The following GSK3B variants were observed in gnomAD, a reference collection of about 807,000 sequenced individuals.
GSK3B encodes the protein glycogen synthase kinase 3 beta.
GSK3B carries 15 observed loss-of-function variants against 56.4 expected under a neutral mutation model. The observed-to-expected ratio is 0.27, with a 90% CI of 0.18 to 0.41. GSK3B has a LOEUF of 0.41. Among genes scored for constraint, GSK3B ranks in the 10% least tolerant of loss-of-function variants. The probability of loss-of-function intolerance (pLI) is 1.00; values close to 1 mark genes in which losing one functional copy is unlikely to be tolerated. For missense variants in GSK3B, 300 were observed against 513.4 expected (o/e 0.58, Z 4.02); for synonymous variants, 181 against 188.9 (o/e 0.96, Z 0.34).
chr3:119,928,797 G>A (rs2056914850), intron 3 of GSK3B, among the ~76,000 whole-genome samples: 1 of 151,946 alleles, frequency 6.6e-6, no homozygotes, highest in South Asian at 2.1e-4. Flanking sequence ...ATGTAACTAT[G>A]AGCAAGTTAT....
chr3:120,009,606 C>G (rs758183561), intron 1 of GSK3B, among the ~76,000 whole-genome samples: 1 of 152,074 alleles, frequency 6.6e-6, no homozygotes, highest in Middle Eastern at 3.4e-3. Flanking sequence ...AACCAAACAC[C>G]GCATGTTCTC....
At chr3:119,874,205 T>C (rs2056280652) in intron 8 of GSK3B, among the ~76,000 whole-genome samples, 1 of 152,062 alleles carries the variant, frequency 6.6e-6, no homozygotes, top group Non-Finnish European at 1.5e-5. Context: ...ACACACTAAA[T>C]ACAGTGTCCC....
At chr3:120,008,461 CTA>C (rs2057748903) in intron 1 of GSK3B, among the ~76,000 whole-genome samples, 2 of 152,182 alleles carry the variant, frequency 1.3e-5, no homozygotes, top group Admixed American at 1.3e-4. Flanking sequence ...TCAAACTTTA[CTA>C]CAAGGCTACA....
intron 3 of GSK3B, among the ~76,000 whole-genome samples, chr3:119,926,328 C>CCACACACACA (rs146771538): frequency 9.5e-5 from 14 of 146,906 alleles, no homozygotes; most frequent in African/African-American, 3.0e-4. Context: ...TCTTACACTT[C>CCACACACACA]CACACACACA....
intron 2 of GSK3B, among the ~76,000 whole-genome samples, chr3:119,977,919 A>G (rs1012920947): frequency 4.6e-5 from 7 of 152,214 alleles, no homozygotes; most frequent in African/African-American, 1.7e-4. Context: ...ACTGAAGAAG[A>G]GAAAAAAGGC....
chr3:120,090,619 C>T (rs2058503717), intron 1 of GSK3B, among the ~76,000 whole-genome samples: 1 of 152,164 alleles, frequency 6.6e-6, no homozygotes. Context: ...CACACTGTCT[C>T]TCAAACCTGT....
At chr3:119,902,377 A>G (rs1404077058) in intron 7 of GSK3B, among the ~76,000 whole-genome samples, 1 of 151,984 alleles carries the variant, frequency 6.6e-6, no homozygotes, top group Non-Finnish European at 1.5e-5. Context: ...GGAAGGAAGG[A>G]GAAAGAAAAA....
At chr3:119,881,973 T>C (rs192660428) in intron 7 of GSK3B, among the ~76,000 whole-genome samples, 28 of 152,326 alleles carry the variant, frequency 1.8e-4, no homozygotes, top group Non-Finnish European at 2.4e-4. Flanking sequence ...CCTCCTTGCC[T>C]TCTGCCATGA....
intron 7 of GSK3B, among the ~76,000 whole-genome samples, chr3:119,880,752 A>C (rs564929508): frequency 6.6e-6 from 1 of 152,292 alleles, no homozygotes; most frequent in East Asian, 1.9e-4. Context: ...CCCTATTTCT[A>C]ACATTGTTCT....
At chr3:120,063,151 C>CATG (rs1392352161) in intron 1 of GSK3B, among the ~76,000 whole-genome samples, 1 of 152,158 alleles carries the variant, frequency 6.6e-6, no homozygotes, top group Non-Finnish European at 1.5e-5. Flanking sequence ...TGTATAAATG[C>CATG]TGCACATGCC....
chr3:120,032,888 T>C (rs2057989520), intron 1 of GSK3B, among the ~76,000 whole-genome samples: 1 of 152,228 alleles, frequency 6.6e-6, no homozygotes, highest in South Asian at 2.1e-4. Flanking sequence ...ACATAACAAA[T>C]AATTCACCCA....
chr3:119,982,347 C>G (rs2057471377), intron 2 of GSK3B, among the ~76,000 whole-genome samples: 1 of 152,126 alleles, frequency 6.6e-6, no homozygotes, highest in Admixed American at 6.5e-5. Context: ...AGAAAAAAAG[C>G]TGGAAGGAGA....
chr3:119,942,244 T>A (rs1023170279), intron 3 of GSK3B, among the ~76,000 whole-genome samples: 6 of 152,184 alleles, frequency 3.9e-5, no homozygotes, highest in African/African-American at 1.4e-4. Context: ...AGAAAACTAT[T>A]AATTGATTGA....
chr3:120,033,854 G>C (rs2057999390), intron 1 of GSK3B, among the ~76,000 whole-genome samples: 1 of 152,048 alleles, frequency 6.6e-6, no homozygotes, highest in Non-Finnish European at 1.5e-5. Context: ...TTTCCACCAT[G>C]ATTTAAGTTT....
At chr3:119,925,931 C>T (rs977508787) in intron 3 of GSK3B, among the ~76,000 whole-genome samples, 6 of 152,218 alleles carry the variant, frequency 3.9e-5, no homozygotes, top group African/African-American at 1.4e-4. Context: ...TGACTTGGCA[C>T]TACCATTTGG....
intron 7 of GSK3B, among the ~76,000 whole-genome samples, chr3:119,894,834 T>A (rs1425291571): frequency 6.6e-6 from 1 of 152,132 alleles, no homozygotes; most frequent in African/African-American, 2.4e-5. Flanking sequence ...TCACAAAGAT[T>A]TATATCTGTT....
intron 1 of GSK3B, among the ~76,000 whole-genome samples, chr3:120,002,458 C>T (rs1326475173): frequency 1.3e-5 from 2 of 152,014 alleles, no homozygotes; most frequent in African/African-American, 2.4e-5. Flanking sequence ...CCTGCCTCAG[C>T]CTCCCGAGTA....
At chr3:119,866,790 C>T (rs2056189514) in intron 8 of GSK3B, among the ~76,000 whole-genome samples, 1 of 152,090 alleles carries the variant, frequency 6.6e-6, no homozygotes, top group Non-Finnish European at 1.5e-5. Flanking sequence ...TCAGTCTTCA[C>T]AGTAGCAAGT....
chr3:120,023,403 T>G (rs1186287512), intron 1 of GSK3B, among the ~76,000 whole-genome samples: 6 of 150,886 alleles, frequency 4.0e-5, no homozygotes, highest in African/African-American at 1.5e-4. Context: ...AAACAAAAAT[T>G]TGTAGAGTCA....
Sources: gnomAD v4.1 joint callset for allele counts (sites outside exome capture counted in the v4.1 genomes callset) on GRCh38, gnomAD v4.1.1 for gene constraint, MANE v1.5 for transcripts, NCBI Gene and HGNC (gene_info 2026-07-23, HGNC 2026-07-21) for gene names.